MEGF11: variants seen among roughly 807,000 people sequenced by gnomAD.
The protein encoded by MEGF11 is multiple EGF like domains 11.
A neutral mutation model predicts 146.6 loss-of-function variants in MEGF11; 126 were observed. The ratio of observed to expected loss-of-function variants is 0.86; its 90% CI spans 0.74 to 1.00. The LOEUF (loss-of-function observed/expected upper bound fraction) is 1.00, where lower values mean the gene tolerates loss of function less well. Among genes scored for constraint, MEGF11 ranks in the 50% least tolerant of loss-of-function variants. MEGF11 has a pLI of 0.00. For synonymous variants in MEGF11, 532 were observed against 583.4 expected (o/e 0.91, Z 1.27); for missense variants, 1,509 against 1,521.2 (o/e 0.99, Z 0.13).
At chr15:65,930,272 C>T (rs1194556743) in intron 11 of MEGF11, among the ~76,000 whole-genome samples, 2 of 152,170 alleles carry the variant, frequency 1.3e-5, no homozygotes, top group African/African-American at 4.8e-5. Flanking sequence ...ACCATTTCTC[C>T]CCTTCCCTGT....
intron 1 of MEGF11, among the ~76,000 whole-genome samples, chr15:66,133,331 G>A (rs1337272909): frequency 1.3e-5 from 2 of 152,210 alleles, no homozygotes; most frequent in Middle Eastern, 3.2e-3. Context: ...TGTTCCAGAC[G>A]CCTCATGAAA....
intron 5 of MEGF11, among the ~76,000 whole-genome samples, chr15:66,052,650 C>T (rs531279088): frequency 3.2e-4 from 49 of 152,232 alleles, no homozygotes; most frequent in African/African-American, 4.1e-4. Context: ...TACTCTAAGC[C>T]GAGAGAAAGA....
At chr15:66,006,970 G>T (rs750582155) in intron 5 of MEGF11, among the ~76,000 whole-genome samples, 108 of 152,304 alleles carry the variant, frequency 7.1e-4, no homozygotes, top group Admixed American at 2.5e-3. Flanking sequence ...CTCACCCAGG[G>T]GTTTACCTCA....
intron 12 of MEGF11, 39 bp from the exon 13 acceptor site, chr15:65,928,566 A>C: frequency 2.1e-6 from 3 of 1,431,090 alleles, no homozygotes; most frequent in Non-Finnish European, 2.9e-6. Flanking sequence ...ATCAGACCCA[A>C]ACCTCCAGAG....
At chr15:66,029,604 G>A (rs780531037) in intron 5 of MEGF11, among the ~76,000 whole-genome samples, 44 of 152,272 alleles carry the variant, frequency 2.9e-4, no homozygotes, top group Non-Finnish European at 5.6e-4. Flanking sequence ...TGTGATGGTG[G>A]GGTCTTTCCC....
chr15:65,991,880 C>T (rs1261204302), intron 5 of MEGF11, among the ~76,000 whole-genome samples: 1 of 152,200 alleles, frequency 6.6e-6, no homozygotes, highest in Non-Finnish European at 1.5e-5. Context: ...AGATGAGAGG[C>T]TCAATGTCAA....
chr15:65,967,584 G>A (rs975777900), intron 8 of MEGF11, among the ~76,000 whole-genome samples: 9 of 152,152 alleles, frequency 5.9e-5, no homozygotes, highest in Non-Finnish European at 1.5e-5. Flanking sequence ...TCAGACCCTC[G>A]TGGATGTGGC....
At chr15:66,221,531 A>G (rs2091737304) in intron 1 of MEGF11, among the ~76,000 whole-genome samples, 1 of 151,554 alleles carries the variant, frequency 6.6e-6, no homozygotes, top group South Asian at 2.1e-4. Flanking sequence ...AAGGACTCAG[A>G]CCATACCACC....
chr15:66,250,573 A>G (rs1469362011), intron 1 of MEGF11, among the ~76,000 whole-genome samples: 2 of 152,206 alleles, frequency 1.3e-5, no homozygotes, highest in Non-Finnish European at 2.9e-5. Flanking sequence ...CCTGCCTTTC[A>G]TAAGTTCGGA....
At chr15:65,972,198 G>A (rs773813240) in intron 7 of MEGF11, among the ~76,000 whole-genome samples, 2 of 152,122 alleles carry the variant, frequency 1.3e-5, no homozygotes, top group Non-Finnish European at 2.9e-5. Flanking sequence ...CTAATTAACA[G>A]GAGTTCCAGA....
intron 1 of MEGF11, among the ~76,000 whole-genome samples, chr15:66,241,934 C>T (rs1381998093): frequency 1.3e-5 from 2 of 152,306 alleles, no homozygotes; most frequent in South Asian, 4.1e-4. Flanking sequence ...AAGAGAAACA[C>T]ACCAATCTAG....
intron 5 of MEGF11, among the ~76,000 whole-genome samples, chr15:66,080,949 C>T (rs1168320669): frequency 6.6e-6 from 1 of 152,210 alleles, no homozygotes; most frequent in Non-Finnish European, 1.5e-5. Context: ...AATTGCTTTG[C>T]GGTGATTCAT....
chr15:66,225,230 G>T (rs896823926), intron 1 of MEGF11, among the ~76,000 whole-genome samples: 11 of 152,228 alleles, frequency 7.2e-5, no homozygotes, highest in Non-Finnish European at 1.3e-4. Context: ...CAGAGCCAAG[G>T]CTCAAACCTG....
At chr15:66,051,047 T>C (rs1472291013) in intron 5 of MEGF11, among the ~76,000 whole-genome samples, 1 of 152,252 alleles carries the variant, frequency 6.6e-6, no homozygotes, top group East Asian at 1.9e-4. Context: ...GTGACAGATA[T>C]GAGCCCCAAA....
chr15:65,957,563 C>T lies in MEGF11; in HGVS notation c.1271G>A (p.Cys424Tyr), dbSNP rs1329682840. ...DCHSITGGCT[C>Y]APGFMGEVCA... ...CCATCTTACCATGAAGCCCGGAGCA[C>T]AAGTGCAGCCCCCAGTGATGCTGTG... Residue 424 changes from cysteine to tyrosine, a missense_variant, in exon 10 of 26, where the codon TGT (cysteine) becomes TAT (tyrosine). Coordinates refer to ENST00000395614, the MANE Select transcript of MEGF11 (RefSeq NM_001385028.1). The T allele has an allele frequency of 6.2e-7, 1 of 1,613,506 alleles. No homozygotes were observed. The highest frequency in any genetic ancestry group is 1.3e-5 in the African/African-American group (1 of 74,934).
chr15:66,188,237 A>G (rs1026481238), intron 1 of MEGF11, among the ~76,000 whole-genome samples: 1 of 152,086 alleles, frequency 6.6e-6, no homozygotes, highest in Non-Finnish European at 1.5e-5. Context: ...GGGGATCTAT[A>G]TATATATGAG....
intron 7 of MEGF11, among the ~76,000 whole-genome samples, chr15:65,973,509 A>C (rs1285088649): frequency 6.6e-6 from 1 of 152,126 alleles, no homozygotes; most frequent in African/African-American, 2.4e-5. Context: ...AGTCCCTGCT[A>C]CTCAGGAGGC....
At chr15:65,959,099 C>T (rs1404144413) in intron 9 of MEGF11, among the ~76,000 whole-genome samples, 7 of 152,220 alleles carry the variant, frequency 4.6e-5, no homozygotes, top group Non-Finnish European at 8.8e-5. Context: ...ACAGCTTCCT[C>T]TAAATATAAT....
At position 66,191,376 on chromosome 15, in the gene MEGF11, C is replaced by T. The variant is rs550565167; in HGVS notation, c.-9+62229G>A. Among the ~76,000 whole-genome samples the T allele has an allele frequency of 2.0e-5, 3 of 152,322 alleles. No homozygotes were observed. In the East Asian group the frequency reaches 5.8e-4, roughly 29 times the overall value. On this transcript the variant is annotated intron_variant, in intron 1 of 25. Coordinates refer to ENST00000395614, the MANE Select transcript of MEGF11 (RefSeq NM_001385028.1). ...TTCTATACAGGGGTTTCAATGGATGCTCTGCATCACATAGTTGGGTGGAAA... is the reference window on the plus strand; with the variant it reads ...TTCTATACAGGGGTTTCAATGGATGTTCTGCATCACATAGTTGGGTGGAAA...
Sources: allele counts gnomAD v4.1 joint callset (sites outside exome capture counted in the v4.1 genomes callset), GRCh38; gene constraint gnomAD v4.1.1; transcripts MANE v1.5; gene names NCBI Gene and HGNC (gene_info 2026-07-23, HGNC 2026-07-21).